COL5A1: variants seen among roughly 807,000 people sequenced by gnomAD.
COL5A1 encodes the protein collagen type V alpha 1 chain.
In COL5A1, 16 loss-of-function variants were observed where a neutral mutation model predicts 263.7. The ratio of observed to expected loss-of-function variants is 0.06; its 90% CI spans 0.04 to 0.09. The LOEUF (loss-of-function observed/expected upper bound fraction) is 0.09, where lower values mean the gene tolerates loss of function less well. Ranked by LOEUF, COL5A1 falls within the 10% of genes least tolerant of loss-of-function variation. The pLI, the probability that COL5A1 is intolerant of heterozygous loss-of-function variation, is 1.00. For missense variants in COL5A1, 2,036 were observed against 2,540.5 expected, an observed-to-expected ratio of 0.80 and a Z score of 4.27; for synonymous variants, 1,012 against 1,004.5, an observed-to-expected ratio of 1.01 and a Z score of -0.14.
At position 134,682,412 on chromosome 9, in the gene COL5A1, C is replaced by T. The variant is rs944879996; in HGVS notation, c.110-8500C>T. On this transcript the variant is annotated intron_variant, in intron 1 of 65. Coordinates refer to ENST00000371817, the MANE Select transcript of COL5A1 (RefSeq NM_000093.5). The surrounding 1 kb of genome is among the most constrained non-coding windows in gnomAD (Gnocchi z 5.1). ...GCGGGTGAACATGGGGCAGAGAGAT[C>T]GGGCTGGGCCAGCACACTTCCCCAG... Among the ~76,000 whole-genome samples, 2 of 152,308 alleles carry T rather than the reference C, an allele frequency of 1.3e-5. No individual in the cohort carries two copies. The highest frequency in any genetic ancestry group is 1.9e-4 in the East Asian group (1 of 5,172).
chr9:134,691,711 T>C (rs961957347), intron 2 of COL5A1: 6 of 154,246 alleles, frequency 3.9e-5, no homozygotes, highest in African/African-American at 1.4e-4. Flanking sequence ...CTGGACGTGA[T>C]TAACGAGCTG....
intron 27 of COL5A1, among the ~76,000 whole-genome samples, chr9:134,776,756 T>G (rs1446117664): frequency 6.6e-6 from 1 of 152,216 alleles, no homozygotes; most frequent in African/African-American, 2.4e-5. Context: ...ATGGGTGGCT[T>G]GTAAACAACA....
At chr9:134,814,134 A>G (rs1029288035) in intron 49 of COL5A1, 98 bp downstream of exon 49, 1 of 1,233,052 alleles carries the variant, frequency 8.1e-7, no homozygotes, top group Non-Finnish European at 1.1e-6. Flanking sequence ...TAGCTTTTCC[A>G]TCCACGAAAT....
intron 4 of COL5A1, among the ~76,000 whole-genome samples, chr9:134,723,826 A>C (rs1834551530): frequency 6.6e-6 from 1 of 152,070 alleles, no homozygotes; most frequent in Non-Finnish European, 1.5e-5. Context: ...TGAAGTCAGG[A>C]GCAGGAACTT....
At position 134,738,813 on chromosome 9, in the gene COL5A1, G is replaced by A. The variant is rs768631514; in HGVS notation, c.1494+5G>A. 8 of 1,612,366 alleles carry A rather than the reference G, an allele frequency of 5.0e-6. No individual in the cohort carries two copies. In the South Asian group the frequency reaches 8.8e-5, roughly 18 times the overall value. On this transcript the variant is annotated splice_donor_5th_base_variant and intron_variant, in intron 11 of 65. Coordinates refer to ENST00000371817, the MANE Select transcript of COL5A1 (RefSeq NM_000093.5). Reference sequence around the variant, plus strand: ...GTCGGGGACCCTGGAGAAAGGGTAAGAGGTTGACTGTGTTTCCTGAGATCA... The same window carrying A: ...GTCGGGGACCCTGGAGAAAGGGTAAAAGGTTGACTGTGTTTCCTGAGATCA...
rs1371158881 is a variant in COL5A1, at chr9:134,647,850, T to C, written c.109+5554T>C. 6.6e-6 allele frequency among the ~76,000 whole-genome samples: 1 copy of C among 152,208 alleles called. No homozygotes were observed. Among genetic ancestry groups the C allele is most frequent in the Non-Finnish European group, 1.5e-5 (1 of 68,036 alleles). On this transcript the variant is annotated intron_variant, in intron 1 of 65. Transcript: ENST00000371817. This position sits in a 1 kb window ranked among gnomAD's most constrained non-coding sequence, Gnocchi z 5.0. The stretch of plus-strand genomic sequence containing the variant: ...GCTTTGCCAAGTGTCGGTTTTAAAG[T>C]TTCTGGCCTGGCTGGTGGATGTGCC...
chr9:134,759,414 C>A (rs1199439041), intron 18 of COL5A1, among the ~76,000 whole-genome samples: 1 of 139,384 alleles, frequency 7.2e-6, no homozygotes, highest in South Asian at 2.3e-4. Flanking sequence ...CCCACACACA[C>A]CCACACTCAT....
chr9:134,830,000 G>A lies in COL5A1; in HGVS notation c.5092G>A (p.Glu1698Lys), dbSNP rs1216004065. The A allele has an allele frequency of 1.2e-6, 2 of 1,613,778 alleles. No individual in the cohort carries two copies. Among genetic ancestry groups the A allele is most frequent in the Admixed American group, 3.3e-5 (2 of 59,984 alleles). Residue 1698 changes from glutamate to lysine, a missense_variant, in exon 64 of 66, where the codon GAA becomes AAA. By Grantham distance (56) the Glu-to-Lys change is moderately conservative. Transcript: ENST00000371817. ...GGCCAGAATCACTTCTTGGCCCAAA[G>A]AAAACCCGGGCTCCTGGTTCAGTGA... ...EGARITSWPKENPGSWFSEFK... is the reference protein window; with the variant it reads ...EGARITSWPKKNPGSWFSEFK...
At chr9:134,695,409 G>T (rs73665736) in intron 2 of COL5A1, among the ~76,000 whole-genome samples, 4,993 of 152,300 alleles carry the variant, frequency 0.033, 146 homozygotes, top group African/African-American at 0.076. Flanking sequence ...AGCCAGTTGC[G>T]CTGGGCCCTG....
intron 41 of COL5A1, among the ~76,000 whole-genome samples, chr9:134,805,702 G>C (rs981028686): frequency 1.3e-5 from 2 of 152,176 alleles, no homozygotes; most frequent in African/African-American, 4.8e-5. Context: ...GCATCCCCTA[G>C]AAAACGCACC....
chr9:134,759,786 C>T (rs1477518305), intron 18 of COL5A1, among the ~76,000 whole-genome samples: 3 of 126,812 alleles, frequency 2.4e-5, no homozygotes, highest in African/African-American at 8.8e-5. Flanking sequence ...CTCATACACA[C>T]ATGCACACAC....
rs1837608723 is a variant in COL5A1, at chr9:134,789,923, C to A, written c.2700+715C>A. Among the ~76,000 whole-genome samples, 1 of 152,214 alleles carries A rather than the reference C, an allele frequency of 6.6e-6. No homozygotes were observed. Among genetic ancestry groups the A allele is most frequent in the African/African-American group, 2.4e-5 (1 of 41,458 alleles). ...CCTTGGACTCTGAGCTGGCCTTGTC[C>A]ACGGGGCATATGGCGGGGACAGAGA... On this transcript the variant is annotated intron_variant, in intron 32 of 65. Coordinates refer to ENST00000371817, the MANE Select transcript of COL5A1 (RefSeq NM_000093.5). The surrounding 1 kb of genome is among the most constrained non-coding windows in gnomAD (Gnocchi z 4.8).
chr9:134,654,159 T>C (rs1831806323), intron 1 of COL5A1, among the ~76,000 whole-genome samples: 2 of 123,910 alleles, frequency 1.6e-5, no homozygotes, highest in Non-Finnish European at 3.3e-5. Flanking sequence ...TGGGGGTATG[T>C]AGGGCTGGAG....
At position 134,724,418 on chromosome 9, in the gene COL5A1, C is replaced by T. The variant is rs560041664; in HGVS notation, c.655-2848C>T. 3.3e-5 allele frequency among the ~76,000 whole-genome samples: 5 copies of T among 152,318 alleles called. No individual in the cohort carries two copies. The Middle Eastern group carries it at 0.01, about 311-fold the overall frequency. ...CAACGGCTGGAGCTGGCATGTGGGCCGGGCCTGTCCGGCAGCACAGAGCTT... is the reference window on the plus strand; with the variant it reads ...CAACGGCTGGAGCTGGCATGTGGGCTGGGCCTGTCCGGCAGCACAGAGCTT... On this transcript the variant is annotated intron_variant, in intron 4 of 65. Transcript: ENST00000371817.
intron 64 of COL5A1, among the ~76,000 whole-genome samples, chr9:134,833,144 T>C (rs1029769272): frequency 6.6e-6 from 1 of 152,230 alleles, no homozygotes; most frequent in African/African-American, 2.4e-5. Context: ...AGGCCTTCCC[T>C]GCAGAGAGGG....
chr9:134,786,477 C>T (rs1213140479), intron 31 of COL5A1, among the ~76,000 whole-genome samples: 1 of 152,208 alleles, frequency 6.6e-6, no homozygotes, highest in Non-Finnish European at 1.5e-5. Flanking sequence ...CCTGGAGTCC[C>T]CTGCAGTCTT....
At chr9:134,665,738 C>G (rs1025776062) in intron 1 of COL5A1, among the ~76,000 whole-genome samples, 2 of 152,186 alleles carry the variant, frequency 1.3e-5, no homozygotes, top group African/African-American at 4.8e-5. Context: ...TTCCAGCAAG[C>G]AAGCAGCTGG....
At chr9:134,824,929 G>A (rs941458557) in intron 62 of COL5A1, 74 bp downstream of exon 62, 2 of 1,531,506 alleles carry the variant, frequency 1.3e-6, no homozygotes, top group African/African-American at 2.7e-5. Context: ...GTGTGGCAAG[G>A]ACAGTTCAGC....
At chr9:134,788,673 A>T (rs1032789044) in intron 31 of COL5A1, among the ~76,000 whole-genome samples, 2 of 148,316 alleles carry the variant, frequency 1.3e-5, no homozygotes, top group Admixed American at 6.7e-5. Context: ...AGACAGATAG[A>T]TGGATAGACA....
Sources: gnomAD v4.1 joint callset for allele counts (sites outside exome capture counted in the v4.1 genomes callset) on GRCh38, gnomAD v4.1.1 for gene constraint, Gnocchi (gnomAD v3.1) non-coding constraint, MANE v1.5 for transcripts, NCBI Gene and HGNC (gene_info 2026-07-23, HGNC 2026-07-21) for gene names.